NR2E1: variants seen among roughly 807,000 people sequenced by gnomAD.
NR2E1 encodes the protein nuclear receptor subfamily 2 group E member 1, also known as nuclear receptor TLX.
Under a neutral mutation model 43.6 loss-of-function variants are expected in NR2E1, and 5 were observed. The ratio of observed to expected loss-of-function variants is 0.11; its 90% confidence interval spans 0.06 to 0.24. The LOEUF is 0.24. Among genes scored for constraint, NR2E1 ranks in the 10% least tolerant of loss-of-function variants. The pLI is 1.00. For missense variants in NR2E1, 287 were observed against 496.7 expected, an observed-to-expected ratio of 0.58 and a Z score of 4.01; for synonymous variants, 191 against 195.5, an observed-to-expected ratio of 0.98 and a Z score of 0.19.
intron 2 of NR2E1, among the ~76,000 whole-genome samples, chr6:108,173,114 T>C (rs1027590018): frequency 5.3e-5 from 8 of 152,238 alleles, no homozygotes; most frequent in South Asian, 2.1e-4. Context: ...AAAGGACTGA[T>C]AATAGACTCA....
chr6:108,174,817 C>T lies in NR2E1; in HGVS notation c.172-19C>T, dbSNP rs749778332. 2.8e-5 allele frequency: 45 copies of T among 1,611,042 alleles called. No homozygotes were observed. The highest frequency in any genetic ancestry group is 8.5e-7 in the Non-Finnish European group (1 of 1,177,516). ...CCTAAAGGCCCTGGGGACCGCTGACCTCCTGCTCTCTGTTCCAGGGAGGCT... is the reference window on the plus strand; with the variant it reads ...CCTAAAGGCCCTGGGGACCGCTGACTTCCTGCTCTCTGTTCCAGGGAGGCT... On this transcript the variant is annotated intron_variant, in intron 2 of 8. Transcript: ENST00000368986.
intron 8 of NR2E1, among the ~76,000 whole-genome samples, chr6:108,185,375 C>G (rs1384552563): frequency 6.8e-6 from 1 of 147,012 alleles, no homozygotes; most frequent in Non-Finnish European, 1.5e-5. Flanking sequence ...GACCTTCTCT[C>G]TCTAACACAC....
Position 108,188,551 on chromosome 6 carries a change from A to ACACC in NR2E1, c.*1089_*1090insACCC, listed in dbSNP as rs1260531260. ...CACACACACACACACACACACACACACCGTCCTACACTTTAAGCTGCTCCT... is the reference window on the plus strand; with the variant it reads ...CACACACACACACACACACACACACACACCCCGTCCTACACTTTAAGCTGCTCCT... On this transcript the variant is annotated 3_prime_UTR_variant, in exon 9 of 9. Transcript: ENST00000368986. The ACACC allele has an allele frequency of 3.4e-5, 5 of 145,490 alleles. No individual in the cohort carries two copies. The highest frequency in any genetic ancestry group is 4.1e-4 in the East Asian group (2 of 4,848). The allele number at this position is 145,490 out of a possible 1,614,324, so 9.0% of individuals were successfully genotyped here.
At position 108,180,930 on chromosome 6, in the gene NR2E1, T is replaced by G. The variant is rs1254548220; in HGVS notation, c.863T>G (p.Leu288Arg). ...LRLDATEFAC[L>R]KCIVTFKAVP... ...TTAGATGCTACTGAATTTGCCTGTC[T>G]AAAATGCATCGTCACTTTCAAAGCC... Residue 288 changes from leucine to arginine, a missense_variant, in exon 7 of 9, where the codon CTA becomes CGA. This residue lies in a region of NR2E1 where 119 missense variants were observed against 187.0 expected (regional missense o/e 0.64). Coordinates refer to ENST00000368986, the MANE Select transcript of NR2E1 (RefSeq NM_003269.5). This position sits in a 1 kb window ranked among gnomAD's most constrained non-coding sequence, Gnocchi z 5.4. 1 of 1,614,208 alleles carries G rather than the reference T, an allele frequency of 6.2e-7. No homozygotes were observed.
Position 108,187,294 on chromosome 6 carries a change from A to G in NR2E1, c.996-7A>G. ...TGACCTTGTTTTCATGGCTTCTCAC[A>G]TTCCAGATATCCCACTCAACCCTGT... is the stretch of plus-strand genomic sequence containing the variant. On this transcript the variant is annotated splice_polypyrimidine_tract_variant and splice_region_variant and intron_variant, in intron 8 of 8. Coordinates refer to ENST00000368986, the MANE Select transcript of NR2E1 (RefSeq NM_003269.5). 6.2e-7 allele frequency: 1 copy of G among 1,614,238 alleles called. No individual in the cohort carries two copies. The highest frequency in any genetic ancestry group is 8.5e-7 in the Non-Finnish European group (1 of 1,180,044).
chr6:108,177,691 CAT>C (rs749308222), intron 4 of NR2E1, among the ~76,000 whole-genome samples: 1 of 152,226 alleles, frequency 6.6e-6, no homozygotes, highest in Non-Finnish European at 1.5e-5. Context: ...TAAAAATACT[CAT>C]ATGCATATTT....
chr6:108,181,016 A>G, intron 7 of NR2E1, 60 bp downstream of exon 7: 1 of 1,572,962 alleles, frequency 6.4e-7, no homozygotes, highest in South Asian at 1.1e-5. Flanking sequence ...TCACTAATTC[A>G]GCCACCTCGA....
chr6:108,167,007 C>G (rs935312592), intron 1 of NR2E1, among the ~76,000 whole-genome samples: 5 of 152,100 alleles, frequency 3.3e-5, no homozygotes, highest in Admixed American at 2.0e-4. Flanking sequence ...CTTGATCCCC[C>G]CTGTCTGGTG....
Position 108,187,739 on chromosome 6 carries a change from A to G in NR2E1, c.*276A>G. 1 of 446,854 alleles carries G rather than the reference A, an allele frequency of 2.2e-6. No homozygotes were observed. The highest frequency in any genetic ancestry group is 4.2e-6 in the Non-Finnish European group (1 of 239,672). The allele number at this position is 446,854 out of a possible 1,614,324, so 27.7% of individuals were successfully genotyped here. On this transcript the variant is annotated 3_prime_UTR_variant, in exon 9 of 9. Transcript: ENST00000368986. ...GGGAGGGGGCAAACTGGGGGTTGCC[A>G]CAGGCCGTGCCATTCTGCCTCTTAC...
At position 108,187,517 on chromosome 6, in the gene NR2E1, C is replaced by T. The variant is rs1774094342; in HGVS notation, c.*54C>T. 13 of 1,580,702 alleles carry T rather than the reference C, an allele frequency of 8.2e-6. No individual in the cohort carries two copies. In the Admixed American group the frequency reaches 8.3e-5, roughly 10 times the overall value. ...GGACAGTATCAGATGAACTTCAACC[C>T]ATGGAGAACAAGCCTCAACTAACAA... On this transcript the variant is annotated 3_prime_UTR_variant, in exon 9 of 9. Transcript: ENST00000368986.
At chr6:108,178,276 C>T (rs766945980) in intron 5 of NR2E1, 35 bp downstream of exon 5, 2 of 1,612,848 alleles carry the variant, frequency 1.2e-6, no homozygotes, top group South Asian at 1.1e-5. Context: ...AGAAAGAGAG[C>T]TGGGAAAGAA....
chr6:108,179,829 C>T (rs533265129), intron 5 of NR2E1, among the ~76,000 whole-genome samples: 1 of 152,106 alleles, frequency 6.6e-6, no homozygotes, highest in Non-Finnish European at 1.5e-5. Context: ...CATAATTACA[C>T]CCTGATTTCC....
intron 5 of NR2E1, 87 bp downstream of exon 5, chr6:108,178,328 T>TGGTTTACCCAGGGATAG: frequency 7.0e-7 from 1 of 1,432,744 alleles, no homozygotes; most frequent in Non-Finnish European, 9.8e-7. Context: ...TATCCCTGGG[T>TGGTTTACCCAGGGATAG]AAACCACCCA....
In NR2E1 at chr6:108,187,632, G is replaced by A. The variant is rs905004044; in HGVS notation, c.*169G>A. Reference sequence around the variant, plus strand: ...AGCATTCCAGTAGCTATGACCTGCCGCCCTGACCAGGATAGGGCGGGTGGG... The same window carrying A: ...AGCATTCCAGTAGCTATGACCTGCCACCCTGACCAGGATAGGGCGGGTGGG... On this transcript the variant is annotated 3_prime_UTR_variant, in exon 9 of 9. Transcript: ENST00000368986. The A allele has an allele frequency of 2.7e-5, 19 of 716,922 alleles. No homozygotes were observed. The highest frequency in any genetic ancestry group is 2.0e-4 in the East Asian group (7 of 35,592). 44.4% of individuals were successfully genotyped at this position (716,922 alleles called of 1,614,324 possible).
rs917140259 is a variant in NR2E1 at position 108,169,401 on chromosome 6, A to T, written c.26-2057A>T. Among the ~76,000 whole-genome samples the T allele has an allele frequency of 6.6e-6, 1 of 152,142 alleles. No homozygotes were observed. Among genetic ancestry groups the T allele is most frequent in the Non-Finnish European group, 1.5e-5 (1 of 68,016 alleles). ...CATCGGGTTCTCCAGAGATGTTGTC[A>T]TGGGCCTCCTGTCCGGATGGGAAGT... On this transcript the variant is annotated intron_variant, in intron 1 of 8. Transcript: ENST00000368986. This position sits in a 1 kb window ranked among gnomAD's most constrained non-coding sequence, Gnocchi z 6.1.
rs762136587 is a variant in NR2E1, at chr6:108,176,689, C to T, written c.446C>T (p.Thr149Ile). ...PHGLELAAVS[T>I]TPERQTLVSL... ...GGCCTGGAGCTGGCCGCGGTGTCCA[C>T]CACTCCAGAGCGGCAGACCCTCGTG... The change falls in exon 4 of 9, where the codon ACC (threonine) becomes ATC (isoleucine). Residue 149 changes from threonine to isoleucine, a missense_variant. By Grantham distance (89) the Thr-to-Ile change is moderately conservative (BLOSUM62 -1). This residue lies in a region of NR2E1 where 119 missense variants were observed against 155.7 expected (regional missense o/e 0.76). Transcript: ENST00000368986. The T allele has an allele frequency of 3.1e-6, 5 of 1,597,930 alleles. 1 individual carries two copies. The highest frequency in any genetic ancestry group is 2.7e-5 in the African/African-American group (2 of 74,916).
At position 108,187,573 on chromosome 6, in the gene NR2E1, G is replaced by A. The variant is rs1774095271; in HGVS notation, c.*110G>A. ...TCAGGAAGCATATACCGGGGAATGT[G>A]TAGCCTTCAGGAAAAAAATGCCAAT... On this transcript the variant is annotated 3_prime_UTR_variant, in exon 9 of 9. Transcript: ENST00000368986. 1.6e-6 allele frequency: 2 copies of A among 1,252,908 alleles called. No individual in the cohort carries two copies. Among genetic ancestry groups the A allele is most frequent in the Non-Finnish European group, 1.2e-6 (1 of 864,130 alleles). The allele number at this position is 1,252,908 out of a possible 1,614,324, so 77.6% of individuals were successfully genotyped here. A position where few individuals can be genotyped will look rare whatever the true frequency, so the allele number is the denominator to read the frequency against.
Position 108,169,549 on chromosome 6 carries a change from C to T in NR2E1, c.26-1909C>T, listed in dbSNP as rs1007543516. Reference sequence around the variant, plus strand: ...TGGGCCCCAAACGTGGACCCTGGAGCGGTCAGAGGGCGCGTGTTAAGCAGA... The same window carrying T: ...TGGGCCCCAAACGTGGACCCTGGAGTGGTCAGAGGGCGCGTGTTAAGCAGA... On this transcript the variant is annotated intron_variant, in intron 1 of 8. Transcript: ENST00000368986. The surrounding 1 kb of genome is among the most constrained non-coding windows in gnomAD (Gnocchi z 6.1). Among the ~76,000 whole-genome samples the T allele has an allele frequency of 6.6e-6, 1 of 152,136 alleles. No individual in the cohort carries two copies. Among genetic ancestry groups the T allele is most frequent in the African/African-American group, 2.4e-5 (1 of 41,426 alleles).
In NR2E1 at chr6:108,178,252, A is replaced by G; in HGVS notation, c.642+11A>G. 1 of 1,614,134 alleles carries G rather than the reference A, an allele frequency of 6.2e-7. No individual in the cohort carries two copies. The highest frequency in any genetic ancestry group is 8.5e-7 in the Non-Finnish European group (1 of 1,179,978). On this transcript the variant is annotated intron_variant, in intron 5 of 8. Transcript: ENST00000368986. Reference sequence around the variant, plus strand: ...TCTTTGCAAGACCAGGTATGACCACACTGAGGCCTTGGGAGAAAGAGAGCT... The same window carrying G: ...TCTTTGCAAGACCAGGTATGACCACGCTGAGGCCTTGGGAGAAAGAGAGCT...
Sources: gnomAD v4.1 joint callset for allele counts (sites outside exome capture counted in the v4.1 genomes callset) on GRCh38, gnomAD v4.1.1 for gene constraint, gnomAD v4.1.1 regional missense constraint, Gnocchi (gnomAD v3.1) non-coding constraint, MANE v1.5 for transcripts, NCBI Gene and HGNC (gene_info 2026-07-23, HGNC 2026-07-21) for gene names.